The following ASIC2 variants were observed in gnomAD, a reference collection of about 807,000 sequenced individuals.
ASIC2 encodes the protein acid sensing ion channel subunit 2.
In ASIC2, 25 loss-of-function variants were observed where a neutral mutation model predicts 57.3. That is an observed-to-expected ratio of 0.44 (90% CI 0.32 to 0.61). The LOEUF is 0.61. ASIC2 is among the 20% of genes least tolerant of loss of function. The pLI is 0.06. For missense variants in ASIC2, 641 were observed against 738.1 expected (o/e 0.87, Z 1.52); for synonymous variants, 319 against 307.5 (o/e 1.04, Z -0.39).
At chr17:33,861,055 C>A (rs927362757) in intron 1 of ASIC2, among the ~76,000 whole-genome samples, 2 of 152,070 alleles carry the variant, frequency 1.3e-5, no homozygotes, top group Non-Finnish European at 2.9e-5. Flanking sequence ...GAAAACTATT[C>A]TTTTTTAACA....
intron 1 of ASIC2, among the ~76,000 whole-genome samples, chr17:33,986,141 A>G (rs1234785242): frequency 6.6e-6 from 1 of 151,872 alleles, no homozygotes; most frequent in Admixed American, 6.6e-5. Context: ...TTCATAATTT[A>G]TTGTGTTTAT....
chr17:33,573,807 CCA>C (rs370306055), intron 1 of ASIC2, among the ~76,000 whole-genome samples: 34 of 152,316 alleles, frequency 2.2e-4, no homozygotes, highest in African/African-American at 8.2e-4. Context: ...CTCCGGTGAT[CCA>C]CCCGCCTCGG....
chr17:33,775,634 T>A (rs192853672), intron 1 of ASIC2, among the ~76,000 whole-genome samples: 4 of 152,270 alleles, frequency 2.6e-5, no homozygotes, highest in South Asian at 2.1e-4. Context: ...TGCATGTGTA[T>A]GTGCTGTGTG....
intron 1 of ASIC2, among the ~76,000 whole-genome samples, chr17:33,129,090 A>G (rs2092335466): frequency 6.6e-6 from 1 of 152,372 alleles, no homozygotes; most frequent in East Asian, 1.9e-4. Context: ...GTTTATAAAG[A>G]AAGATAAATC....
chr17:33,337,507 T>C (rs1173766208), intron 1 of ASIC2, among the ~76,000 whole-genome samples: 2 of 152,214 alleles, frequency 1.3e-5, no homozygotes, highest in Non-Finnish European at 2.9e-5. Context: ...CTTTACTTCT[T>C]TGAGCCTCAG....
intron 1 of ASIC2, among the ~76,000 whole-genome samples, chr17:33,341,794 A>G (rs1036470058): frequency 1.1e-4 from 16 of 152,164 alleles, no homozygotes; most frequent in African/African-American, 3.9e-4. Context: ...GAAACCTCTA[A>G]AAGGATGCCT....
In ASIC2 at chr17:33,959,151, C is replaced by G. The variant is rs150979438; in HGVS notation, c.555+196827G>C. 4.9e-3 allele frequency among the ~76,000 whole-genome samples: 743 copies of G among 152,296 alleles called. 11 individuals are homozygous for G. Among genetic ancestry groups the G allele is most frequent in the African/African-American group, 0.017 (696 of 41,572 alleles). Reference sequence around the variant, plus strand: ...AGACTCTAGGAAGTTCCAAACTTTCCCACATTTTCATGTCTTCTGAGCCCT... The same window carrying G: ...AGACTCTAGGAAGTTCCAAACTTTCGCACATTTTCATGTCTTCTGAGCCCT... On this transcript the variant is annotated intron_variant, in intron 1 of 9. Coordinates refer to the ASIC2 transcript ENST00000359872.
intron 1 of ASIC2, among the ~76,000 whole-genome samples, chr17:33,533,054 G>A (rs896239352): frequency 2.6e-5 from 4 of 152,168 alleles, no homozygotes; most frequent in Admixed American, 2.0e-4. Flanking sequence ...CTGATTCTAA[G>A]CTGTATTTCA....
At chr17:33,687,598 C>T (rs1908235981) in intron 1 of ASIC2, among the ~76,000 whole-genome samples, 1 of 152,164 alleles carries the variant, frequency 6.6e-6, no homozygotes, top group African/African-American at 2.4e-5. Context: ...TGTGCCCCAG[C>T]CCACGCAGCT....
intron 1 of ASIC2, among the ~76,000 whole-genome samples, chr17:33,614,024 T>C (rs1769846911): frequency 6.6e-6 from 1 of 152,204 alleles, no homozygotes. Context: ...TGATAAATAT[T>C]GCCAAATTGC....
At chr17:33,515,329 G>C (rs1914533667) in intron 1 of ASIC2, among the ~76,000 whole-genome samples, 1 of 152,146 alleles carries the variant, frequency 6.6e-6, no homozygotes, top group Non-Finnish European at 1.5e-5. Flanking sequence ...TCTTCCTATG[G>C]GGCGCTCAGG....
intron 1 of ASIC2, among the ~76,000 whole-genome samples, chr17:33,767,984 C>T (rs1306262697): frequency 6.6e-6 from 1 of 151,938 alleles, no homozygotes; most frequent in East Asian, 1.9e-4. Flanking sequence ...CTAAAGGCAG[C>T]CTTTATTGTA....
chr17:33,484,705 A>G (rs183310917), intron 1 of ASIC2, among the ~76,000 whole-genome samples: 363 of 152,334 alleles, frequency 2.4e-3, no homozygotes, highest in Non-Finnish European at 4.6e-3. Flanking sequence ...ACCGGACCAA[A>G]TTGAGGACTA....
intron 1 of ASIC2, among the ~76,000 whole-genome samples, chr17:33,177,999 C>A (rs1022558401): frequency 6.6e-6 from 1 of 152,178 alleles, no homozygotes; most frequent in African/African-American, 2.4e-5. Context: ...CATACATACA[C>A]ACAAACACAC....
intron 1 of ASIC2, among the ~76,000 whole-genome samples, chr17:33,897,919 T>C (rs969503125): frequency 3.9e-5 from 6 of 152,160 alleles, no homozygotes; most frequent in African/African-American, 1.4e-4. Flanking sequence ...AAATCGAAGA[T>C]GGATGATGAA....
intron 1 of ASIC2, among the ~76,000 whole-genome samples, chr17:33,757,467 C>T (rs760642161): frequency 3.3e-5 from 5 of 152,160 alleles, no homozygotes; most frequent in Non-Finnish European, 7.3e-5. Context: ...TCTGCTCTTT[C>T]TGCCTGCTCC....
chr17:33,771,896 A>G (rs903709317), intron 1 of ASIC2, among the ~76,000 whole-genome samples: 2 of 152,226 alleles, frequency 1.3e-5, no homozygotes, highest in Admixed American at 6.5e-5. Flanking sequence ...GCATTCGTGC[A>G]TACTATACTA....
chr17:34,064,757 G>A (rs770366784), intron 1 of ASIC2, among the ~76,000 whole-genome samples: 2 of 152,076 alleles, frequency 1.3e-5, no homozygotes, highest in African/African-American at 4.8e-5. Flanking sequence ...ATACACAAAT[G>A]CCCAACAAAC....
At chr17:33,830,989 A>G (rs1439456467) in intron 1 of ASIC2, among the ~76,000 whole-genome samples, 5 of 151,582 alleles carry the variant, frequency 3.3e-5, no homozygotes, top group African/African-American at 1.2e-4. Context: ...ATGCACCTGT[A>G]ATCCCAGCTA....
Sources: allele counts gnomAD v4.1 joint callset (sites outside exome capture counted in the v4.1 genomes callset), GRCh38; gene constraint gnomAD v4.1.1; transcripts MANE v1.5; gene names NCBI Gene and HGNC (gene_info 2026-07-23, HGNC 2026-07-21).